CNTLN: variants seen among roughly 807,000 people sequenced by gnomAD.
The protein encoded by CNTLN is centlein, centrosomal protein.
Under a neutral mutation model 180.0 loss-of-function variants are expected in CNTLN, and 212 were observed. The ratio of observed to expected loss-of-function variants is 1.18; its 90% CI spans 1.05 to 1.32. CNTLN has a LOEUF of 1.32. Among genes scored for constraint, CNTLN ranks in the 40% most tolerant of loss-of-function variants. CNTLN has a pLI of 0.00. For missense variants in CNTLN, 2,095 were observed against 1,610.9 expected, an observed-to-expected ratio of 1.30 and a Z score of -5.14; for synonymous variants, 722 against 563.1, an observed-to-expected ratio of 1.28 and a Z score of -3.99.
At chr9:17,158,349 T>G (rs550677882) in intron 2 of CNTLN, among the ~76,000 whole-genome samples, 1 of 143,264 alleles carries the variant, frequency 7.0e-6, no homozygotes, top group South Asian at 2.4e-4. Context: ...ACTATAGTTT[T>G]CTTTTCTTGT....
intron 2 of CNTLN, among the ~76,000 whole-genome samples, chr9:17,159,596 C>A (rs1359588010): frequency 1.3e-5 from 2 of 152,166 alleles, no homozygotes; most frequent in Non-Finnish European, 1.5e-5. Context: ...TTGGACTTAG[C>A]CTCAGCAGCA....
Position 17,332,700 on chromosome 9 carries a change from T to C in CNTLN, c.1614T>C (p.Ile538=), listed in dbSNP as rs1486030801. The C allele has an allele frequency of 6.2e-7, 1 of 1,605,348 alleles. No individual in the cohort carries two copies. Residue 538 remains isoleucine, a synonymous_variant, in exon 10 of 26, where the codon ATT becomes ATC. Coordinates refer to ENST00000380647, the MANE Select transcript of CNTLN (RefSeq NM_017738.4). ...AGCTGAGAAAAGCTGAAAGAAAGAT[T>C]GAAAACTTAGAGAAGGCACTACAAC... ...LQKLRKAERK[I]ENLEKALQLK... is the part of the protein sequence containing the mutation.
At chr9:17,347,596 G>A (rs756580512) in intron 12 of CNTLN, among the ~76,000 whole-genome samples, 9 of 151,474 alleles carry the variant, frequency 5.9e-5, no homozygotes, top group Non-Finnish European at 1.2e-4. Flanking sequence ...TTGAACCCAG[G>A]AGGTGGAGGT....
intron 2 of CNTLN, among the ~76,000 whole-genome samples, chr9:17,203,789 C>T (rs1822723521): frequency 6.6e-6 from 1 of 152,162 alleles, no homozygotes; most frequent in African/African-American, 2.4e-5. Context: ...GATCTCCGGA[C>T]CTCGTGATCC....
intron 2 of CNTLN, among the ~76,000 whole-genome samples, chr9:17,171,257 G>A (rs773451615): frequency 2.6e-5 from 4 of 152,102 alleles, no homozygotes; most frequent in Admixed American, 6.5e-5. Context: ...GCCTTGCATT[G>A]ATATCTGTGC....
chr9:17,308,058 T>G (rs1818853964), intron 7 of CNTLN, among the ~76,000 whole-genome samples: 1 of 151,414 alleles, frequency 6.6e-6, no homozygotes, highest in Non-Finnish European at 1.5e-5. Flanking sequence ...CAGCCACAGA[T>G]ATACATACAG....
chr9:17,333,003 T>C (rs1326685125), intron 10 of CNTLN, among the ~76,000 whole-genome samples: 2 of 152,032 alleles, frequency 1.3e-5, no homozygotes, highest in Non-Finnish European at 2.9e-5. Context: ...TTCTTAACCC[T>C]TTCCCAAAGG....
At chr9:17,370,243 C>A (rs1191627835) in intron 13 of CNTLN, among the ~76,000 whole-genome samples, 1 of 152,110 alleles carries the variant, frequency 6.6e-6, no homozygotes, top group Non-Finnish European at 1.5e-5. Flanking sequence ...CCAAAAAAGA[C>A]AACCTGAAGG....
the CNTLN span, among the ~76,000 whole-genome samples, chr9:17,515,845 C>G: frequency 2.0e-5 from 3 of 152,318 alleles, no homozygotes; most frequent in South Asian, 6.2e-4. Context: ...ATTTAAAACA[C>G]ATGAGACCAT....
At chr9:17,454,099 T>TGCA (rs1163060733) in intron 18 of CNTLN, among the ~76,000 whole-genome samples, 3 of 152,218 alleles carry the variant, frequency 2.0e-5, no homozygotes, top group African/African-American at 7.2e-5. Context: ...CATCTGAGAA[T>TGCA]TGTGTCTACC....
the CNTLN span, among the ~76,000 whole-genome samples, chr9:17,512,630 C>CT: frequency 6.6e-6 from 1 of 151,662 alleles, no homozygotes; most frequent in East Asian, 1.9e-4. Context: ...GCACAGGTAC[C>CT]CCCCAAATCT....
chr9:17,245,685 CT>C (rs1381140671), intron 5 of CNTLN, among the ~76,000 whole-genome samples: 5 of 151,916 alleles, frequency 3.3e-5, no homozygotes, highest in Admixed American at 1.3e-4. Flanking sequence ...TAGATTTGCC[CT>C]TTCACTTTAT....
intron 8 of CNTLN, among the ~76,000 whole-genome samples, chr9:17,311,766 G>C (rs138926360): frequency 8.6e-5 from 13 of 152,006 alleles, no homozygotes; most frequent in African/African-American, 3.1e-4. Context: ...CCAAGATTGC[G>C]CCACTGCTCT....
intron 1 of CNTLN, among the ~76,000 whole-genome samples, chr9:17,136,633 G>A (rs1214172941): frequency 6.6e-6 from 1 of 152,180 alleles, no homozygotes; most frequent in African/African-American, 2.4e-5. Context: ...AGTTTGTTCT[G>A]TTGGATTCTT....
At chr9:17,490,826 A>G (rs1374893120) in intron 25 of CNTLN, among the ~76,000 whole-genome samples, 5 of 152,258 alleles carry the variant, frequency 3.3e-5, no homozygotes, top group Admixed American at 1.3e-4. Context: ...TAAATTGCTT[A>G]TTTCACGTGT....
chr9:17,375,759 A>T (rs1299236393), intron 13 of CNTLN, among the ~76,000 whole-genome samples: 1 of 152,194 alleles, frequency 6.6e-6, no homozygotes, highest in South Asian at 2.1e-4. Flanking sequence ...GGAGATCTTC[A>T]GATCTGCAAC....
At chr9:17,218,426 GTT>G (rs1005249912) in intron 2 of CNTLN, among the ~76,000 whole-genome samples, 80 of 151,814 alleles carry the variant, frequency 5.3e-4, no homozygotes, top group African/African-American at 1.9e-3. Context: ...TTTTATTATT[GTT>G]ATATTGTTTA....
chr9:17,267,879 C>T lies in CNTLN; in HGVS notation c.850-5854C>T, dbSNP rs573852484. Among the ~76,000 whole-genome samples, 6 of 152,306 alleles carry T rather than the reference C, an allele frequency of 3.9e-5. 1 individual carries two copies. The East Asian group carries it at 1.2e-3, about 29-fold the overall frequency. The stretch of plus-strand genomic sequence containing the variant: ...CACGTAGCTCTTGTGCCTTGGTTTT[C>T]AGCTCCATCAGGTTCTTTAAGGACT... On this transcript the variant is annotated intron_variant, in intron 5 of 25. Transcript: ENST00000380647.
At chr9:17,159,168 T>C (rs1819504493) in intron 2 of CNTLN, among the ~76,000 whole-genome samples, 1 of 152,182 alleles carries the variant, frequency 6.6e-6, no homozygotes. Context: ...TTTTGTTCCA[T>C]TGCATTAAAA....
Sources: allele counts gnomAD v4.1 joint callset (sites outside exome capture counted in the v4.1 genomes callset), GRCh38; gene constraint gnomAD v4.1.1; transcripts MANE v1.5; gene names NCBI Gene and HGNC (gene_info 2026-07-23, HGNC 2026-07-21).